PLEKHH1: variants seen among roughly 807,000 people sequenced by gnomAD.
PLEKHH1 encodes pleckstrin homology domain-containing family H member 1.
Under a neutral mutation model 160.0 loss-of-function variants are expected in PLEKHH1, and 104 were observed. The ratio of observed to expected loss-of-function variants is 0.65; its 90% CI spans 0.55 to 0.76. PLEKHH1 has a LOEUF of 0.76. PLEKHH1 is among the 30% of genes least tolerant of loss of function. The probability of loss-of-function intolerance (pLI) is 0.00; values close to 1 mark genes in which losing one functional copy is unlikely to be tolerated. For synonymous variants in PLEKHH1, 619 were observed against 678.4 expected (o/e 0.91, Z 1.36); for missense variants, 1,427 against 1,724.1 (o/e 0.83, Z 3.05).
Position 67,583,898 on chromosome 14 carries a change from AGGTCTTGC to A in PLEKHH1, c.3569+16_3569+23del. 2 of 1,612,604 alleles carry A rather than the reference AGGTCTTGC, an allele frequency of 1.2e-6. No individual in the cohort carries two copies. Among genetic ancestry groups the A allele is most frequent in the South Asian group, 2.2e-5 (2 of 91,038 alleles). On this transcript the variant is annotated intron_variant, in intron 25 of 28. Transcript: ENST00000329153. ...GAACAGCTGAGGTAGGTAGGCTACA[AGGTCTTGC>A]AGCAAGTCACTGTGGGGAGGTCTCA...
At position 67,562,100 on chromosome 14, in the gene PLEKHH1, G is replaced by A. The variant is rs759333481; in HGVS notation, c.506-37G>A. 14 of 1,549,464 alleles carry A rather than the reference G, an allele frequency of 9.0e-6. No individual in the cohort carries two copies. The South Asian group carries it at 1.5e-4, about 16-fold the overall frequency. The stretch of plus-strand genomic sequence containing the variant: ...TTGGTGGGTATGGGGCTGAGCTACG[G>A]GAGCTCTCAATGTGACTGTTTTTAC... On this transcript the variant is annotated intron_variant, in intron 6 of 28. Coordinates refer to ENST00000329153, the MANE Select transcript of PLEKHH1 (RefSeq NM_020715.3).
At chr14:67,566,814 G>C (rs139679752) in intron 7 of PLEKHH1, among the ~76,000 whole-genome samples, 1 of 151,936 alleles carries the variant, frequency 6.6e-6, no homozygotes, top group African/African-American at 2.4e-5. Flanking sequence ...GTGTGAGAGA[G>C]AGGGTGGAGG....
chr14:67,574,222 C>A lies in PLEKHH1; in HGVS notation c.1927-20C>A. On this transcript the variant is annotated intron_variant, in intron 13 of 28. Coordinates refer to ENST00000329153, the MANE Select transcript of PLEKHH1 (RefSeq NM_020715.3). The surrounding 1 kb of genome is among the most constrained non-coding windows in gnomAD (Gnocchi z 4.2). ...ATTCTCCCAGCGTGCTGCCCCACCC[C>A]CATATCTCGCCCTCCACAGCTCATC... 1 of 1,572,270 alleles carries A rather than the reference C, an allele frequency of 6.4e-7. No individual in the cohort carries two copies.
intron 9 of PLEKHH1, 60 bp from the exon 10 acceptor site, chr14:67,571,691 AG>A: frequency 6.4e-7 from 1 of 1,561,416 alleles, no homozygotes. Context: ...TGCAAGCTGC[AG>A]GGTTGGGAGA....
intron 2 of PLEKHH1, among the ~76,000 whole-genome samples, chr14:67,544,493 A>G (rs946360026): frequency 3.9e-5 from 6 of 152,354 alleles, no homozygotes; most frequent in South Asian, 4.1e-4. Context: ...ATACTTGAGG[A>G]AATAATCTAC....
intron 7 of PLEKHH1, among the ~76,000 whole-genome samples, chr14:67,564,090 A>T (rs1486867069): frequency 6.6e-6 from 1 of 150,906 alleles, no homozygotes; most frequent in Non-Finnish European, 1.5e-5. Flanking sequence ...TTTAGTAGAG[A>T]CGGGGTTTCA....
intron 2 of PLEKHH1, among the ~76,000 whole-genome samples, chr14:67,549,663 T>C (rs1472799109): frequency 6.6e-6 from 1 of 152,170 alleles, no homozygotes; most frequent in Non-Finnish European, 1.5e-5. Context: ...ATGAGTTCTG[T>C]AGTGCTCGTG....
Position 67,575,428 on chromosome 14 carries a change from C to T in PLEKHH1, c.2125C>T (p.Leu709Phe), listed in dbSNP as rs370381025. 6.2e-7 allele frequency: 1 copy of T among 1,610,384 alleles called. No individual in the cohort carries two copies. The highest frequency in any genetic ancestry group is 1.1e-5 in the South Asian group (1 of 89,926). The change falls in exon 15 of 29, where the codon CTT becomes TTT. Residue 709 changes from leucine to phenylalanine, a missense_variant. Transcript: ENST00000329153. ...HGHSKVVWCA[L>F]VGKIFYYYRS... Reference sequence around the variant, plus strand: ...CCACTCCAAGGTGGTCTGGTGCGCTCTTGTTGGGAAAATCTTCTACTACTA... The same window carrying T: ...CCACTCCAAGGTGGTCTGGTGCGCTTTTGTTGGGAAAATCTTCTACTACTA...
At position 67,585,432 on chromosome 14, in the gene PLEKHH1, T is replaced by C. The variant is rs539829157; in HGVS notation, c.3700-136T>C. 150 of 656,998 alleles carry C rather than the reference T, an allele frequency of 2.3e-4. No homozygotes were observed. In the African/African-American group the frequency reaches 2.5e-3, roughly 11 times the overall value. The allele number at this position is 656,998 out of a possible 1,614,324, so 40.7% of individuals were successfully genotyped here. A position where few individuals can be genotyped will look rare whatever the true frequency, so the allele number is the denominator to read the frequency against. On this transcript the variant is annotated intron_variant, in intron 26 of 28. Transcript: ENST00000329153. ...TCCTGCATACACTGTACAAATATCATCTTTGTTTTCCAAGATGAGGTGGCT... is the reference window on the plus strand; with the variant it reads ...TCCTGCATACACTGTACAAATATCACCTTTGTTTTCCAAGATGAGGTGGCT...
intron 7 of PLEKHH1, among the ~76,000 whole-genome samples, chr14:67,565,005 T>C (rs1398402043): frequency 6.6e-6 from 1 of 152,110 alleles, no homozygotes; most frequent in Non-Finnish European, 1.5e-5. Context: ...ACCTGACATT[T>C]TCCATGATAA....
At chr14:67,542,151 A>C (rs954573475) in intron 2 of PLEKHH1, among the ~76,000 whole-genome samples, 158 bp downstream of exon 2, 7 of 152,116 alleles carry the variant, frequency 4.6e-5, no homozygotes, top group Admixed American at 1.3e-4. Context: ...CCAAAGTCCG[A>C]GCAGTTTACT....
rs1342710500 is a variant in PLEKHH1 at position 67,574,352 on chromosome 14, A to T, written c.2037A>T (p.Pro679=). Residue 679 remains proline (P), a synonymous_variant, in exon 14 of 29, where the codon CCA becomes CCT. Coordinates refer to ENST00000329153, the MANE Select transcript of PLEKHH1 (RefSeq NM_020715.3). This position sits in a 1 kb window ranked among gnomAD's most constrained non-coding sequence, Gnocchi z 4.2. ...TGAAGGTGCAGGCCACCGGGCCTCC[A>T]GCTCTGCTTCGGGGTGGCACCAAGC... ...SLLKVQATGP[P]ALLRGGTKPT... The T allele has an allele frequency of 2.5e-6, 4 of 1,597,074 alleles. No individual in the cohort carries two copies. Among genetic ancestry groups the T allele is most frequent in the Admixed American group, 1.7e-5 (1 of 57,322 alleles).
At chr14:67,557,179 G>A in intron 3 of PLEKHH1, 90 bp from the exon 4 acceptor site, 1 of 1,028,236 alleles carries the variant, frequency 9.7e-7, no homozygotes. Flanking sequence ...ACAGCCTGGG[G>A]CATCAGACGG....
rs889374902 is a variant in PLEKHH1, at chr14:67,587,599, G to A, written c.*364G>A. ...TCAAGGAAGCTAATTTTCTTTCTGG[G>A]GGGGGCGGGGGACACAGTGTCACTA... On this transcript the variant is annotated 3_prime_UTR_variant, in exon 29 of 29. Coordinates refer to ENST00000329153, the MANE Select transcript of PLEKHH1 (RefSeq NM_020715.3). 3.4e-6 allele frequency: 1 copy of A among 290,696 alleles called. No individual in the cohort carries two copies. The highest frequency in any genetic ancestry group is 6.6e-6 in the Non-Finnish European group (1 of 150,514). The allele number at this position is 290,696 out of a possible 1,614,324, so 18.0% of individuals were successfully genotyped here.
At chr14:67,561,884 A>AG in intron 5 of PLEKHH1, 70 bp from the exon 6 acceptor site, 1 of 1,205,214 alleles carries the variant, frequency 8.3e-7, no homozygotes, top group Non-Finnish European at 1.2e-6. Flanking sequence ...AAAAAAAAAA[A>AG]AAGAATTGAA....
chr14:67,584,979 G>A (rs1286918375), intron 26 of PLEKHH1: 1 of 152,368 alleles, frequency 6.6e-6, no homozygotes, highest in African/African-American at 2.4e-5. Flanking sequence ...CCTCCCTTTG[G>A]GTTAAGAGAG....
intron 2 of PLEKHH1, among the ~76,000 whole-genome samples, chr14:67,548,816 C>T (rs1356595756): frequency 6.6e-6 from 1 of 152,272 alleles, no homozygotes; most frequent in Admixed American, 6.5e-5. Flanking sequence ...TACTTTCGCT[C>T]TGTCACAATC....
In PLEKHH1 at chr14:67,575,993, C is replaced by G; in HGVS notation, c.2340C>G (p.Thr780=). 6.2e-7 allele frequency: 1 copy of G among 1,611,490 alleles called. No homozygotes were observed. The highest frequency in any genetic ancestry group is 8.5e-7 in the Non-Finnish European group (1 of 1,178,040). ...EHSPTYLLIG[T]KHEKDTWLYH... ...GCCCCACCTACCTCCTCATTGGCAC[C>G]AAGCATGAAAAGGTAAGGAAGAGGG... Residue 780 remains threonine (T), a synonymous_variant, in exon 16 of 29, where the codon ACC becomes ACG. Transcript: ENST00000329153.
At chr14:67,555,982 C>G (rs1396415532) in intron 3 of PLEKHH1, 95 bp downstream of exon 3, 1 of 1,473,754 alleles carries the variant, frequency 6.8e-7, no homozygotes, top group African/African-American at 1.4e-5. Flanking sequence ...CATACATCAC[C>G]AGCAGTACTG....
Sources: gnomAD v4.1 joint callset for allele counts (sites outside exome capture counted in the v4.1 genomes callset) on GRCh38, gnomAD v4.1.1 for gene constraint, Gnocchi (gnomAD v3.1) non-coding constraint, MANE v1.5 for transcripts, NCBI Gene and HGNC (gene_info 2026-07-23, HGNC 2026-07-21) for gene names.